The following SH3GLB1 variants were observed in gnomAD, a reference collection of about 807,000 sequenced individuals.
The protein encoded by SH3GLB1 is SH3 domain containing GRB2 like, endophilin B1.
A neutral mutation model predicts 42.0 loss-of-function variants in SH3GLB1; 17 were observed. The observed-to-expected ratio is 0.40, with a 90% CI of 0.28 to 0.61. The LOEUF (loss-of-function observed/expected upper bound fraction) is 0.61, where lower values mean the gene tolerates loss of function less well. SH3GLB1 is among the 20% of genes least tolerant of loss of function. SH3GLB1 has a pLI of 0.36. For synonymous variants in SH3GLB1, 132 were observed against 146.6 expected, an observed-to-expected ratio of 0.90 and a Z score of 0.72; for missense variants, 355 against 426.3, an observed-to-expected ratio of 0.83 and a Z score of 1.47.
intron 4 of SH3GLB1, 137 bp from the exon 5 acceptor site, chr1:86,724,176 C>A: frequency 3.8e-6 from 2 of 520,764 alleles, no homozygotes; most frequent in Non-Finnish European, 3.2e-6. Flanking sequence ...TGAATGGTAA[C>A]TTTATAGCCA....
intron 7 of SH3GLB1, among the ~76,000 whole-genome samples, chr1:86,741,358 A>G (rs17129445): frequency 0.1 from 15,463 of 152,244 alleles, 1,082 homozygotes; most frequent in African/African-American, 0.19. Flanking sequence ...TGGTTGAATT[A>G]GAATGATGTC....
At chr1:86,741,833 TGTA>T (rs1656071056) in intron 7 of SH3GLB1, among the ~76,000 whole-genome samples, 2 of 152,166 alleles carry the variant, frequency 1.3e-5, no homozygotes, top group African/African-American at 2.4e-5. Context: ...GCCTCATACT[TGTA>T]GTATCTAATA....
chr1:86,706,326 C>G (rs1344614005), intron 1 of SH3GLB1, among the ~76,000 whole-genome samples: 3 of 152,144 alleles, frequency 2.0e-5, no homozygotes. Flanking sequence ...TCATCTGGTT[C>G]AATCTGAGCA....
chr1:86,704,655 T>A lies in SH3GLB1; in HGVS notation c.-245T>A. On this transcript the variant is annotated 5_prime_UTR_variant, in exon 1 of 9. Transcript: ENST00000370558. ...TCGCCCGCGGGGCCCATCGTCGACG[T>A]TAGCGGCCGTTCTCCGAGCCGACTG... 1 of 354,126 alleles carries A rather than the reference T, an allele frequency of 2.8e-6. No homozygotes were observed. Among genetic ancestry groups the A allele is most frequent in the South Asian group, 4.1e-5 (1 of 24,620 alleles). 21.9% of individuals were successfully genotyped at this position (354,126 alleles called of 1,614,324 possible). A position where few individuals can be genotyped will look rare whatever the true frequency, so the allele number is the denominator to read the frequency against.
chr1:86,720,948 A>G (rs1221864653), intron 3 of SH3GLB1, among the ~76,000 whole-genome samples: 1 of 152,214 alleles, frequency 6.6e-6, no homozygotes, highest in East Asian at 1.9e-4. Flanking sequence ...TAATTTTTAG[A>G]AAAATGTTAT....
rs556634365 is a variant in SH3GLB1, at chr1:86,742,085, A to G, written c.762-123A>G. ...AGATATACTTTGTCATTAACGTATT[A>G]TTAATATCTATAAATCTTTTCCAAT... On this transcript the variant is annotated intron_variant, in intron 7 of 8. Coordinates refer to ENST00000370558, the MANE Select transcript of SH3GLB1 (RefSeq NM_016009.5). 4 of 660,168 alleles carry G rather than the reference A, an allele frequency of 6.1e-6. No homozygotes were observed. The South Asian group carries it at 7.7e-5, about 13-fold the overall frequency. 40.9% of individuals were successfully genotyped at this position (660,168 alleles called of 1,614,324 possible).
rs758241962 is a variant in SH3GLB1, at chr1:86,715,782, A to C, written c.131A>C (p.Asn44Thr). The change falls in exon 2 of 9, where the codon AAC (asparagine) becomes ACC (threonine). Residue 44 changes from asparagine to threonine, a missense_variant. By Grantham distance (65) the Asn-to-Thr change is moderately conservative (BLOSUM62 0). Transcript: ENST00000370558. ...ACAGAATTGGATGCTCACTTAGAGA[A>C]CCTCCTTAGCAAAGCTGAATGTACC... The part of the protein sequence containing the change: ...EKTELDAHLE[N>T]LLSKAECTKI... 1.2e-6 allele frequency: 2 copies of C among 1,612,832 alleles called. No individual in the cohort carries two copies. The highest frequency in any genetic ancestry group is 2.2e-5 in the South Asian group (2 of 90,656).
At chr1:86,727,511 C>T (rs192013946) in intron 5 of SH3GLB1, among the ~76,000 whole-genome samples, 4 of 151,882 alleles carry the variant, frequency 2.6e-5, no homozygotes, top group Non-Finnish European at 5.9e-5. Context: ...AAAAGAAATG[C>T]TTATTGGAGC....
At chr1:86,724,515 C>T in intron 5 of SH3GLB1, 110 bp downstream of exon 5, 1 of 839,932 alleles carries the variant, frequency 1.2e-6, no homozygotes, top group East Asian at 2.8e-5. Flanking sequence ...TGTTTTTGTG[C>T]TTTCTAAACA....
At chr1:86,709,485 C>G (rs1249470258) in intron 1 of SH3GLB1, among the ~76,000 whole-genome samples, 1 of 152,182 alleles carries the variant, frequency 6.6e-6, no homozygotes, top group Non-Finnish European at 1.5e-5. Context: ...TTCCTGCCCT[C>G]AGAGACTTCA....
intron 4 of SH3GLB1, 124 bp downstream of exon 4, chr1:86,722,797 C>T (rs566338694): frequency 2.7e-6 from 2 of 740,264 alleles, no homozygotes; most frequent in Admixed American, 7.2e-5. Flanking sequence ...TAATCTAGGT[C>T]AGTGCATGTT....
rs533169244 is a variant in SH3GLB1, at chr1:86,713,374, T to G, written c.73-2350T>G. On this transcript the variant is annotated intron_variant, in intron 1 of 8. Coordinates refer to ENST00000370558, the MANE Select transcript of SH3GLB1 (RefSeq NM_016009.5). ...TGACATTACAGGCGGGGGCCCCTGC[T>G]CCTGGCCATAAGTACTGATTTTGAA... Among the ~76,000 whole-genome samples the G allele has an allele frequency of 5.2e-3, 785 of 152,124 alleles. 9 individuals are homozygous for G. The highest frequency in any genetic ancestry group is 0.018 in the African/African-American group (766 of 41,522).
At chr1:86,719,687 A>T (rs1213397534) in intron 3 of SH3GLB1, 52 bp downstream of exon 3, 1 of 1,576,144 alleles carries the variant, frequency 6.3e-7, no homozygotes, top group Non-Finnish European at 8.6e-7. Context: ...GTTTAGATTT[A>T]TTAGAGATGT....
intron 7 of SH3GLB1, among the ~76,000 whole-genome samples, chr1:86,741,531 T>C (rs551475482): frequency 2.6e-5 from 4 of 152,208 alleles, no homozygotes; most frequent in Admixed American, 6.5e-5. Context: ...ACAAATGAAC[T>C]TGTAAAATTT....
rs1452062401 is a variant in SH3GLB1, at chr1:86,745,065, C to T, written c.*1830C>T. ...GAAAGATCATACCAAAACTTCAGAT[C>T]GACTTAAACAGCAACTATGAATTAG... On this transcript the variant is annotated 3_prime_UTR_variant, in exon 9 of 9. Coordinates refer to ENST00000370558, the MANE Select transcript of SH3GLB1 (RefSeq NM_016009.5). 2 of 152,096 alleles carry T rather than the reference C, an allele frequency of 1.3e-5. No individual in the cohort carries two copies. The highest frequency in any genetic ancestry group is 6.5e-5 in the Admixed American group (1 of 15,270). 9.4% of individuals were successfully genotyped at this position (152,096 alleles called of 1,614,324 possible). A position where few individuals can be genotyped will look rare whatever the true frequency, so the allele number is the denominator to read the frequency against.
At position 86,718,954 on chromosome 1, in the gene SH3GLB1, T is replaced by C. The variant is rs562625104; in HGVS notation, c.215-553T>C. Among the ~76,000 whole-genome samples the C allele has an allele frequency of 9.8e-5, 15 of 152,368 alleles. No individual in the cohort carries two copies. In the South Asian group the frequency reaches 3.1e-3, roughly 32 times the overall value. ...AACTAAAGCCAAGGCATCATATTGCTGATCTGTCTGTAGACTATTCCAAGC... is the reference window on the plus strand; with the variant it reads ...AACTAAAGCCAAGGCATCATATTGCCGATCTGTCTGTAGACTATTCCAAGC... On this transcript the variant is annotated intron_variant, in intron 2 of 8. Coordinates refer to ENST00000370558, the MANE Select transcript of SH3GLB1 (RefSeq NM_016009.5).
At chr1:86,731,247 C>G (rs975327381) in intron 5 of SH3GLB1, among the ~76,000 whole-genome samples, 5 of 152,234 alleles carry the variant, frequency 3.3e-5, no homozygotes, top group Non-Finnish European at 7.3e-5. Flanking sequence ...CTACCAAACT[C>G]TGACATCCAC....
In SH3GLB1 at chr1:86,705,386, TC is replaced by T. The variant is rs146789745; in HGVS notation, c.72+419del. ...CACCCTTTCCTTTCGTCTCTCACCCTCCCCTCGGAGTCCAAGAAGGGAGTTT... is the reference window on the plus strand; with the variant it reads ...CACCCTTTCCTTTCGTCTCTCACCCTCCCTCGGAGTCCAAGAAGGGAGTTT... On this transcript the variant is annotated intron_variant, in intron 1 of 8. Coordinates refer to ENST00000370558, the MANE Select transcript of SH3GLB1 (RefSeq NM_016009.5). Among the ~76,000 whole-genome samples, 362 of 151,984 alleles carry T rather than the reference TC, an allele frequency of 2.4e-3. 3 individuals are homozygous for T. Among genetic ancestry groups the T allele is most frequent in the African/African-American group, 8.3e-3 (343 of 41,428 alleles).
At chr1:86,717,247 A>T (rs1452784033) in intron 2 of SH3GLB1, among the ~76,000 whole-genome samples, 1 of 152,242 alleles carries the variant, frequency 6.6e-6, no homozygotes, top group African/African-American at 2.4e-5. Flanking sequence ...TTTTATTAAA[A>T]GTAATAGACA....
Sources: gnomAD v4.1 joint callset for allele counts (sites outside exome capture counted in the v4.1 genomes callset) on GRCh38, gnomAD v4.1.1 for gene constraint, MANE v1.5 for transcripts, NCBI Gene and HGNC (gene_info 2026-07-23, HGNC 2026-07-21) for gene names.